The following CEMIP2 variants were observed in gnomAD, a reference collection of about 807,000 sequenced individuals.
CEMIP2 encodes cell migration inducing hyaluronidase 2.
Under a neutral mutation model 146.9 loss-of-function variants are expected in CEMIP2, and 79 were observed. That is an observed-to-expected ratio of 0.54 (90% CI 0.45 to 0.65). CEMIP2 has a LOEUF of 0.65. Among genes scored for constraint, CEMIP2 ranks in the 30% least tolerant of loss-of-function variants. The pLI, the probability that CEMIP2 is intolerant of heterozygous loss-of-function variation, is 0.00. For missense variants in CEMIP2, 1,596 were observed against 1,696.2 expected (o/e 0.94, Z 1.04); for synonymous variants, 601 against 606.3 (o/e 0.99, Z 0.13).
chr9:71,732,716 T>C (rs962231618), intron 6 of CEMIP2, among the ~76,000 whole-genome samples, 196 bp from the exon 7 acceptor site: 43 of 74,604 alleles, frequency 5.8e-4, no homozygotes, highest in African/African-American at 1.6e-3. Context: ...TTTTTTTTTT[T>C]TTTTTTGTGA....
chr9:71,686,014 C>T (rs1220799761), intron 22 of CEMIP2, 168 bp from the exon 23 acceptor site: 1 of 601,066 alleles, frequency 1.7e-6, no homozygotes, highest in African/African-American at 1.9e-5. Context: ...ACTCTTCCAC[C>T]CCACCACCAT....
chr9:71,766,348 C>T (rs1824795289), intron 1 of CEMIP2, among the ~76,000 whole-genome samples: 1 of 152,176 alleles, frequency 6.6e-6, no homozygotes, highest in African/African-American at 2.4e-5. Context: ...GCTGGGATTA[C>T]AGGCGTGAGC....
chr9:71,694,267 C>T (rs77507425), intron 21 of CEMIP2, among the ~76,000 whole-genome samples: 4 of 151,990 alleles, frequency 2.6e-5, no homozygotes, highest in African/African-American at 7.2e-5. Flanking sequence ...GGACTACAGG[C>T]ACCCACCCGC....
upstream of CEMIP2, chr9:71,768,989 C>T (rs1824890901): frequency 6.6e-6 from 1 of 152,154 alleles, no homozygotes; most frequent in South Asian, 2.1e-4. Context: ...CGCCCGGCCC[C>T]TCCCGCCGGC....
chr9:71,754,364 A>C (rs992611887), intron 1 of CEMIP2, among the ~76,000 whole-genome samples: 5 of 152,196 alleles, frequency 3.3e-5, no homozygotes, highest in African/African-American at 9.7e-5. Flanking sequence ...ACAAAAGAGG[A>C]GTCTACTAGG....
At chr9:71,717,659 C>T (rs188847238) in intron 13 of CEMIP2, among the ~76,000 whole-genome samples, 20 of 152,292 alleles carry the variant, frequency 1.3e-4, no homozygotes, top group African/African-American at 4.8e-4. Context: ...AGCGCTCTGA[C>T]ATAGACCATG....
At chr9:71,761,398 C>T (rs1031923864) in intron 1 of CEMIP2, among the ~76,000 whole-genome samples, 8 of 152,116 alleles carry the variant, frequency 5.3e-5, no homozygotes. Flanking sequence ...TACCAAAATG[C>T]AATGACAATA....
intron 18 of CEMIP2, among the ~76,000 whole-genome samples, chr9:71,701,977 G>A (rs1822574479): frequency 6.6e-6 from 1 of 152,088 alleles, no homozygotes. Context: ...TCTTCACATA[G>A]CCAGGCGGAG....
chr9:71,760,097 A>T (rs1489782087), intron 1 of CEMIP2, among the ~76,000 whole-genome samples: 1 of 152,104 alleles, frequency 6.6e-6, no homozygotes, highest in Non-Finnish European at 1.5e-5. Context: ...CTGCTTAAAA[A>T]TTTACTTTTG....
intron 2 of CEMIP2, among the ~76,000 whole-genome samples, chr9:71,748,829 T>A (rs895610630): frequency 1.1e-4 from 17 of 152,326 alleles, no homozygotes; most frequent in African/African-American, 4.1e-4. Flanking sequence ...ACCTTAAAAT[T>A]TTAAAAATCC....
intron 14 of CEMIP2, among the ~76,000 whole-genome samples, chr9:71,715,672 G>A (rs992114787): frequency 9.3e-6 from 1 of 107,888 alleles, no homozygotes; most frequent in East Asian, 3.1e-4. Flanking sequence ...AAAGAGACAG[G>A]GTCTCATTCT....
chr9:71,748,562 A>T (rs1824154055), intron 2 of CEMIP2, among the ~76,000 whole-genome samples: 1 of 152,174 alleles, frequency 6.6e-6, no homozygotes. Flanking sequence ...CTGATTTCCC[A>T]CTGGTCTAGC....
intron 2 of CEMIP2, among the ~76,000 whole-genome samples, chr9:71,747,300 A>T (rs1271283555): frequency 6.6e-6 from 1 of 152,186 alleles, no homozygotes; most frequent in Non-Finnish European, 1.5e-5. Context: ...CAGAGTTTAT[A>T]TGCAAGCTTT....
chr9:71,724,655 G>T (rs79404740), intron 11 of CEMIP2, among the ~76,000 whole-genome samples: 1 of 152,242 alleles, frequency 6.6e-6, no homozygotes, highest in East Asian at 1.9e-4. Context: ...ATCACCAGGG[G>T]GCGAAGGGTT....
At chr9:71,768,240 G>C (rs1314567401) in intron 1 of CEMIP2, 117 bp downstream of exon 1, 1 of 151,856 alleles carries the variant, frequency 6.6e-6, no homozygotes, top group Non-Finnish European at 1.5e-5. Context: ...GAGCCGGCCA[G>C]GCCGCCGGGA....
rs745434806 is a variant in CEMIP2 at position 71,734,769 on chromosome 9, G to C, written c.1393+37C>G. 3.3e-6 allele frequency: 5 copies of C among 1,528,928 alleles called. No individual in the cohort carries two copies. The Admixed American group carries it at 6.0e-5, about 18-fold the overall frequency. The allele number at this position is 1,528,928 out of a possible 1,614,324, so 94.7% of individuals were successfully genotyped here. ...TCAGGAATCAAATCCCAAGAAAATA[G>C]TGTGTTTCCCAAGAAGTACTCTAAG... On this transcript the variant is annotated intron_variant, in intron 6 of 23. Transcript: ENST00000377044.
Position 71,725,570 on chromosome 9 carries a change from T to A in CEMIP2, c.2178+11A>T. 1 of 1,613,040 alleles carries A rather than the reference T, an allele frequency of 6.2e-7. No homozygotes were observed. Among genetic ancestry groups the A allele is most frequent in the Non-Finnish European group, 8.5e-7 (1 of 1,179,666 alleles). ...AGCATATGTACTAATTGTTAAAACT[T>A]AGAAACCTACCTTAAAATTTGAATG... On this transcript the variant is annotated intron_variant, in intron 11 of 23. Transcript: ENST00000377044.
intron 1 of CEMIP2, among the ~76,000 whole-genome samples, chr9:71,758,864 A>C (rs1427515437): frequency 6.6e-6 from 1 of 152,162 alleles, no homozygotes; most frequent in African/African-American, 2.4e-5. Flanking sequence ...ATGCCTTCAC[A>C]CTGTCCCACA....
At chr9:71,725,834 G>A in intron 10 of CEMIP2, 125 bp from the exon 11 acceptor site, 2 of 1,062,880 alleles carry the variant, frequency 1.9e-6, no homozygotes, top group Non-Finnish European at 2.6e-6. Context: ...ATTATTGCAG[G>A]TTCAGAATTG....
Sources: allele counts gnomAD v4.1 joint callset (sites outside exome capture counted in the v4.1 genomes callset), GRCh38; gene constraint gnomAD v4.1.1; transcripts MANE v1.5; gene names NCBI Gene and HGNC (gene_info 2026-07-23, HGNC 2026-07-21).